The following KCNQ5 variants were observed in gnomAD, a reference collection of about 807,000 sequenced individuals.
The protein encoded by KCNQ5 is potassium voltage-gated channel subfamily KQT member 5.
In KCNQ5, 30 loss-of-function variants were observed where a neutral mutation model predicts 98.2. That is an observed-to-expected ratio of 0.31 (90% confidence interval 0.23 to 0.41). The LOEUF (loss-of-function observed/expected upper bound fraction) is 0.41, where lower values mean the gene tolerates loss of function less well. Among genes scored for constraint, KCNQ5 ranks in the 10% least tolerant of loss-of-function variants. KCNQ5 has a pLI of 1.00. For synonymous variants in KCNQ5, 458 were observed against 449.4 expected (o/e 1.02, Z -0.24); for missense variants, 835 against 1,182.5 (o/e 0.71, Z 4.31).
At chr6:72,987,716 G>A (rs986741068) in intron 1 of KCNQ5, 2 of 556,004 alleles carry the variant, frequency 3.6e-6, no homozygotes, top group Non-Finnish European at 3.2e-6. Flanking sequence ...TATATTCATA[G>A]GAACGCTTCC....
chr6:73,106,951 T>A (rs2051020), intron 6 of KCNQ5, among the ~76,000 whole-genome samples: 1 of 152,006 alleles, frequency 6.6e-6, no homozygotes, highest in African/African-American at 2.4e-5. Flanking sequence ...TGGAACAAAA[T>A]GATGAAATCC....
intron 1 of KCNQ5, among the ~76,000 whole-genome samples, chr6:72,968,336 T>C (rs899639996): frequency 6.6e-5 from 10 of 152,130 alleles, no homozygotes; most frequent in Admixed American, 2.0e-4. Flanking sequence ...TGAGACATTT[T>C]ATTATTAACA....
At chr6:72,984,367 C>A (rs1768637516) in intron 1 of KCNQ5, among the ~76,000 whole-genome samples, 2 of 152,212 alleles carry the variant, frequency 1.3e-5, no homozygotes, top group Admixed American at 6.5e-5. Context: ...GGGCTCCACC[C>A]AGTTTGAGCT....
At chr6:72,915,721 G>A (rs1289536254) in intron 1 of KCNQ5, among the ~76,000 whole-genome samples, 1 of 151,922 alleles carries the variant, frequency 6.6e-6, no homozygotes, top group African/African-American at 2.4e-5. Context: ...CAGGCACACT[G>A]ACTAAACTTT....
At chr6:73,163,200 G>A (rs1283928242) in intron 10 of KCNQ5, among the ~76,000 whole-genome samples, 1 of 151,568 alleles carries the variant, frequency 6.6e-6, no homozygotes, top group Non-Finnish European at 1.5e-5. Context: ...ACCAGCCTGG[G>A]CAACATAACA....
In KCNQ5 at chr6:72,964,931, C is replaced by T. The variant is rs866122802; in HGVS notation, c.399-38977C>T. Among the ~76,000 whole-genome samples, 86 of 132,300 alleles carry T rather than the reference C, an allele frequency of 6.5e-4. No homozygotes were observed. In the Middle Eastern group the frequency reaches 0.012, roughly 18 times the overall value. 86.8% of individuals were successfully genotyped at this position (132,300 alleles called of 152,430 possible). On this transcript the variant is annotated intron_variant, in intron 1 of 13. Coordinates refer to ENST00000370398, the MANE Select transcript of KCNQ5 (RefSeq NM_019842.4). ...TATTTTCTGCTGTTTTTCACATTTTCGTGCTTTTTTTAAAAAAAAATTCTT... is the reference window on the plus strand; with the variant it reads ...TATTTTCTGCTGTTTTTCACATTTTTGTGCTTTTTTTAAAAAAAAATTCTT...
chr6:72,672,270 G>A (rs1767160400), intron 1 of KCNQ5, among the ~76,000 whole-genome samples: 1 of 151,802 alleles, frequency 6.6e-6, no homozygotes, highest in African/African-American at 2.4e-5. Flanking sequence ...GCTAATTTTT[G>A]TAATTTTTGT....
intron 1 of KCNQ5, among the ~76,000 whole-genome samples, chr6:72,847,080 G>A (rs1297079281): frequency 6.6e-6 from 1 of 152,064 alleles, no homozygotes; most frequent in African/African-American, 2.4e-5. Context: ...ATCCTAGAAA[G>A]TTGTAAGGTT....
At chr6:73,124,980 T>TATATATATATATATAC (rs1204206268) in intron 9 of KCNQ5, among the ~76,000 whole-genome samples, 1 of 22,840 alleles carries the variant, frequency 4.4e-5, no homozygotes, top group Non-Finnish European at 7.3e-5. Flanking sequence ...TATATATATA[T>TATATATATATATATAC]ACACACACAC....
intron 3 of KCNQ5, chr6:73,055,595 G>A: frequency 1.5e-6 from 2 of 1,336,818 alleles, no homozygotes; most frequent in Non-Finnish European, 2.2e-6. Flanking sequence ...CTGGAATGAA[G>A]AAGTATTTCC....
chr6:73,143,842 T>C (rs1409193523), intron 10 of KCNQ5, among the ~76,000 whole-genome samples: 1 of 152,170 alleles, frequency 6.6e-6, no homozygotes, highest in Non-Finnish European at 1.5e-5. Context: ...TCTTCAGACT[T>C]CATAGTTTTC....
chr6:72,931,569 A>G (rs1765694987), intron 1 of KCNQ5, among the ~76,000 whole-genome samples: 1 of 152,208 alleles, frequency 6.6e-6, no homozygotes, highest in Non-Finnish European at 1.5e-5. Flanking sequence ...CTGACTTAGC[A>G]GAACCTAGAA....
At chr6:72,850,901 T>C (rs9446769) in intron 1 of KCNQ5, among the ~76,000 whole-genome samples, 11,334 of 152,178 alleles carry the variant, frequency 0.074, 854 homozygotes, top group African/African-American at 0.2. Flanking sequence ...ATCTTGGTGA[T>C]GATTCATTAT....
intron 1 of KCNQ5, among the ~76,000 whole-genome samples, chr6:72,677,412 C>A (rs1263956604): frequency 2.6e-5 from 4 of 152,108 alleles, no homozygotes. Flanking sequence ...AGGGATCTTG[C>A]AGTAAAGATT....
At position 73,133,477 on chromosome 6, in the gene KCNQ5, T is replaced by A. The variant is rs761319100; in HGVS notation, c.1304T>A (p.Ile435Asn). 15 of 1,614,002 alleles carry A rather than the reference T, an allele frequency of 9.3e-6. No homozygotes were observed. Among genetic ancestry groups the A allele is most frequent in the Non-Finnish European group, 1.3e-5 (15 of 1,180,026 alleles). The stretch of plus-strand genomic sequence containing the variant: ...ATGGCTAGCCCCAGGGGCCAGAGTA[T>A]TAAGAGCCGACAAGCCTCAGTAGGT... ...VRMASPRGQS[I>N]KSRQASVGDR... The change falls in exon 10 of 14, where the codon ATT becomes AAT. Residue 435 changes from isoleucine (I) to asparagine (N), a missense_variant. Physicochemically the swap from Ile to Asn is moderately radical, Grantham distance 149. This residue lies in a region of KCNQ5 where 146 missense variants were observed against 256.7 expected (regional missense o/e 0.57). Transcript: ENST00000370398.
intron 1 of KCNQ5, among the ~76,000 whole-genome samples, chr6:72,805,600 T>G (rs1774915656): frequency 6.6e-6 from 1 of 152,162 alleles, no homozygotes; most frequent in Non-Finnish European, 1.5e-5. Context: ...AGCCAGCTAA[T>G]GTGATTCCTC....
chr6:72,757,929 G>C (rs1772052500), intron 1 of KCNQ5, among the ~76,000 whole-genome samples: 1 of 152,066 alleles, frequency 6.6e-6, no homozygotes, highest in Non-Finnish European at 1.5e-5. Flanking sequence ...AGTGATGTGA[G>C]AGATATTTAT....
chr6:73,193,506 A>AAATAAAATAAAATAAAATAT (rs1167304638), intron 13 of KCNQ5, among the ~76,000 whole-genome samples: 51 of 148,658 alleles, frequency 3.4e-4, no homozygotes, highest in African/African-American at 1.3e-3. Context: ...AAATAAAATA[A>AAATAAAATAAAATAAAATAT]AATATAAAAT....
intron 1 of KCNQ5, among the ~76,000 whole-genome samples, chr6:72,897,856 A>G (rs988213705): frequency 6.6e-6 from 1 of 152,144 alleles, no homozygotes; most frequent in Non-Finnish European, 1.5e-5. Flanking sequence ...TGAACTCCCT[A>G]GAAAATATTT....
Sources: allele counts gnomAD v4.1 joint callset (sites outside exome capture counted in the v4.1 genomes callset), GRCh38; gene constraint gnomAD v4.1.1; regional missense constraint gnomAD v4.1.1; transcripts MANE v1.5; gene names NCBI Gene and HGNC (gene_info 2026-07-23, HGNC 2026-07-21).